PHACTR1: variants seen among roughly 807,000 people sequenced by gnomAD.
PHACTR1 encodes the protein phosphatase and actin regulator 1, also known as RPEL repeat containing 1.
PHACTR1 carries 16 observed loss-of-function variants against 69.2 expected under a neutral mutation model. That is an observed-to-expected ratio of 0.23 (90% CI 0.16 to 0.35). The LOEUF is 0.35. Ranked by LOEUF, PHACTR1 falls within the 10% of genes least tolerant of loss-of-function variation. The probability of loss-of-function intolerance (pLI) is 1.00; values close to 1 mark genes in which losing one functional copy is unlikely to be tolerated. For missense variants in PHACTR1, 510 were observed against 734.7 expected, an observed-to-expected ratio of 0.69 and a Z score of 3.54; for synonymous variants, 312 against 284.5, an observed-to-expected ratio of 1.10 and a Z score of -0.97.
At chr6:13,147,294 GA>G (rs1371510061) in intron 5 of PHACTR1, among the ~76,000 whole-genome samples, 2 of 152,194 alleles carry the variant, frequency 1.3e-5, no homozygotes, top group Non-Finnish European at 2.9e-5. Context: ...CAGAGAGATA[GA>G]AAATGGAATC....
At chr6:12,839,251 G>A (rs767700111) in intron 4 of PHACTR1, among the ~76,000 whole-genome samples, 3 of 152,186 alleles carry the variant, frequency 2.0e-5, no homozygotes, top group Non-Finnish European at 2.9e-5. Flanking sequence ...TTTTCAAAAT[G>A]TCACAGGACT....
intron 4 of PHACTR1, among the ~76,000 whole-genome samples, chr6:13,041,274 C>A (rs573341842): frequency 6.7e-6 from 1 of 149,398 alleles, no homozygotes; most frequent in Admixed American, 6.7e-5. Flanking sequence ...GAGCAGGGTT[C>A]CTTACTTTCT....
At chr6:12,900,022 C>G (rs1484146474) in intron 4 of PHACTR1, among the ~76,000 whole-genome samples, 1 of 152,160 alleles carries the variant, frequency 6.6e-6, no homozygotes, top group African/African-American at 2.4e-5. Flanking sequence ...GTCTAGTGGA[C>G]CCTCCCTGAA....
intron 3 of PHACTR1, among the ~76,000 whole-genome samples, chr6:12,721,004 A>T (rs1027517954): frequency 2.0e-5 from 3 of 152,228 alleles, no homozygotes; most frequent in African/African-American, 7.2e-5. Context: ...TAAAGGGCTT[A>T]AAACAGTGTC....
At chr6:12,717,315 C>T (rs1216061453) in intron 1 of PHACTR1, among the ~76,000 whole-genome samples, 194 bp from the exon 2 acceptor site, 2 of 151,458 alleles carry the variant, frequency 1.3e-5, no homozygotes, top group African/African-American at 4.9e-5. Context: ...AGCTGCAAAT[C>T]AAACTAAGAT....
intron 5 of PHACTR1, among the ~76,000 whole-genome samples, chr6:13,132,708 A>C (rs1472923452): frequency 6.9e-6 from 1 of 145,852 alleles, no homozygotes; most frequent in Non-Finnish European, 1.5e-5. Context: ...TACATACCTT[A>C]ATTTAAAAAT....
chr6:13,103,027 C>A (rs930846397), intron 5 of PHACTR1, among the ~76,000 whole-genome samples: 5 of 152,182 alleles, frequency 3.3e-5, no homozygotes, highest in Admixed American at 2.0e-4. Context: ...TTAAGAGGCT[C>A]AGTTTGCCTC....
intron 4 of PHACTR1, among the ~76,000 whole-genome samples, chr6:12,842,148 A>C (rs1318110895): frequency 4.6e-5 from 7 of 152,262 alleles, no homozygotes; most frequent in African/African-American, 1.7e-4. Context: ...TAAGGAGAAC[A>C]AATGATGCCT....
At chr6:12,987,459 G>A (rs934387710) in intron 4 of PHACTR1, among the ~76,000 whole-genome samples, 1 of 152,162 alleles carries the variant, frequency 6.6e-6, no homozygotes, top group Non-Finnish European at 1.5e-5. Flanking sequence ...AACAAAGCAT[G>A]AGCAAAAGCA....
intron 4 of PHACTR1, among the ~76,000 whole-genome samples, chr6:12,864,813 T>A (rs773841733): frequency 5.9e-5 from 9 of 152,222 alleles, no homozygotes; most frequent in Non-Finnish European, 1.0e-4. Context: ...GAGACCTCCA[T>A]GGACTAGAGC....
chr6:12,874,035 A>ACT (rs1183473067), intron 4 of PHACTR1, among the ~76,000 whole-genome samples: 3 of 151,696 alleles, frequency 2.0e-5, no homozygotes, highest in Non-Finnish European at 2.9e-5. Context: ...ATGTTTGCCA[A>ACT]CTCTCTCTCT....
intron 5 of PHACTR1, among the ~76,000 whole-genome samples, chr6:13,094,496 C>T (rs1012421999): frequency 6.6e-6 from 1 of 151,860 alleles, no homozygotes; most frequent in African/African-American, 2.4e-5. Flanking sequence ...GGGGTTTCAC[C>T]ATATTAGCCA....
At chr6:13,132,922 C>T (rs953364699) in intron 5 of PHACTR1, among the ~76,000 whole-genome samples, 7 of 152,110 alleles carry the variant, frequency 4.6e-5, no homozygotes, top group African/African-American at 1.7e-4. Context: ...CTTTCATGAA[C>T]GATTTTTTGG....
chr6:13,196,443 CAG>C (rs1583865082), intron 7 of PHACTR1: 1 of 93,554 alleles, frequency 1.1e-5, no homozygotes, highest in Non-Finnish European at 2.5e-5. Context: ...TTTTTTGAGA[CAG>C]AGTCTCACTC....
chr6:13,065,384 C>A (rs1002409168), intron 5 of PHACTR1, among the ~76,000 whole-genome samples: 1 of 151,926 alleles, frequency 6.6e-6, no homozygotes, highest in African/African-American at 2.4e-5. Flanking sequence ...GACTGGTGGT[C>A]TCGGTGAACC....
intron 4 of PHACTR1, among the ~76,000 whole-genome samples, chr6:12,789,547 T>C (rs1470135650): frequency 6.6e-6 from 1 of 152,066 alleles, no homozygotes; most frequent in East Asian, 1.9e-4. Flanking sequence ...ATAACACTCT[T>C]CCAGACTCTA....
intron 4 of PHACTR1, among the ~76,000 whole-genome samples, chr6:12,980,918 C>T (rs997042896): frequency 1.3e-5 from 2 of 152,210 alleles, no homozygotes; most frequent in East Asian, 1.9e-4. Context: ...TTCATAGCTC[C>T]GCCTACTCTT....
intron 5 of PHACTR1, among the ~76,000 whole-genome samples, chr6:13,070,794 T>C (rs1444046770): frequency 6.7e-6 from 1 of 148,806 alleles, no homozygotes; most frequent in Non-Finnish European, 1.5e-5. Context: ...ATATGATGTA[T>C]ATGAATTTGC....
chr6:12,915,851 C>T (rs970622920), intron 4 of PHACTR1, among the ~76,000 whole-genome samples: 3 of 152,178 alleles, frequency 2.0e-5, no homozygotes, highest in Non-Finnish European at 2.9e-5. Context: ...GGACTTTGGC[C>T]ACAGCCTCAT....
Sources: gnomAD v4.1 joint callset for allele counts (sites outside exome capture counted in the v4.1 genomes callset) on GRCh38, gnomAD v4.1.1 for gene constraint, MANE v1.5 for transcripts, NCBI Gene and HGNC (gene_info 2026-07-23, HGNC 2026-07-21) for gene names.